The following METTL16 variants were observed in gnomAD, a reference collection of about 807,000 sequenced individuals.
The protein encoded by METTL16 is methyltransferase 16, RNA N6-adenosine.
Under a neutral mutation model 57.9 loss-of-function variants are expected in METTL16, and 19 were observed. That is an observed-to-expected ratio of 0.33 (90% CI 0.23 to 0.48). METTL16 has a LOEUF of 0.48. METTL16 is among the 20% of genes least tolerant of loss of function. The pLI, the probability that METTL16 is intolerant of heterozygous loss-of-function variation, is 0.99. For synonymous variants in METTL16, 246 were observed against 255.6 expected (o/e 0.96, Z 0.36); for missense variants, 434 against 691.5 (o/e 0.63, Z 4.18).
At chr17:2,466,839 G>T (rs1047771113) in intron 5 of METTL16, among the ~76,000 whole-genome samples, 2 of 151,202 alleles carry the variant, frequency 1.3e-5, no homozygotes, top group African/African-American at 2.4e-5. Flanking sequence ...TTGAGACAGG[G>T]TTACCGAGGC....
At chr17:2,437,576 G>A (rs1445829685) in intron 8 of METTL16, among the ~76,000 whole-genome samples, 1 of 152,136 alleles carries the variant, frequency 6.6e-6, no homozygotes, top group Non-Finnish European at 1.5e-5. Flanking sequence ...TTTTGAGACA[G>A]AGTCTTGCTC....
chr17:2,422,157 C>G (rs1714147350), intron 8 of METTL16, among the ~76,000 whole-genome samples: 1 of 151,822 alleles, frequency 6.6e-6, no homozygotes, highest in African/African-American at 2.4e-5. Flanking sequence ...ACCAAAAATA[C>G]AAAAATTAGC....
At chr17:2,435,263 T>C (rs771833526) in intron 8 of METTL16, among the ~76,000 whole-genome samples, 1 of 152,092 alleles carries the variant, frequency 6.6e-6, no homozygotes, top group African/African-American at 2.4e-5. Context: ...AAACAGAAGT[T>C]GCCATAGTAA....
In METTL16 at chr17:2,428,527, C is replaced by CAAAAAAAAA. The variant is rs533793602; in HGVS notation, c.889-7632_889-7624dup. Among the ~76,000 whole-genome samples, 4 of 21,074 alleles carry CAAAAAAAAA rather than the reference C, an allele frequency of 1.9e-4. 1 individual carries two copies. The highest frequency in any genetic ancestry group is 3.3e-4 in the Non-Finnish European group (4 of 12,042). The allele number at this position is 21,074 out of a possible 152,430, so 13.8% of individuals were successfully genotyped here. The stretch of plus-strand genomic sequence containing the variant: ...CAGGCGACAGAGCGAGACTCCGTCT[C>CAAAAAAAAA]AAAAAAAAAAAAAAAAAAAAAAAAA... On this transcript the variant is annotated intron_variant, in intron 8 of 9. Coordinates refer to ENST00000263092, the MANE Select transcript of METTL16 (RefSeq NM_024086.4).
chr17:2,483,869 C>T (rs1395086380), intron 2 of METTL16, among the ~76,000 whole-genome samples: 1 of 152,126 alleles, frequency 6.6e-6, no homozygotes, highest in East Asian at 1.9e-4. Flanking sequence ...GAATGAAAGT[C>T]AAGTTTTACA....
intron 1 of METTL16, among the ~76,000 whole-genome samples, chr17:2,510,175 C>T (rs1451913202): frequency 1.3e-5 from 2 of 152,084 alleles, no homozygotes; most frequent in Non-Finnish European, 2.9e-5. Flanking sequence ...AAAATATTTT[C>T]CCAATTTATG....
intron 8 of METTL16, 61 bp downstream of exon 8, chr17:2,438,048 T>G: frequency 8.4e-7 from 1 of 1,192,162 alleles, no homozygotes; most frequent in Non-Finnish European, 1.3e-6. Flanking sequence ...AGTTCACTTA[T>G]GATGGACTGA....
chr17:2,462,153 A>C (rs1349473164), intron 6 of METTL16, among the ~76,000 whole-genome samples: 1 of 152,214 alleles, frequency 6.6e-6, no homozygotes, highest in Non-Finnish European at 1.5e-5. Flanking sequence ...CTTAAAAAGG[A>C]AGAAAATTCT....
rs1216363985 is a variant in METTL16 at position 2,491,740 on chromosome 17, T to TA, written c.128+10463_128+10464insT. 2.6e-3 allele frequency among the ~76,000 whole-genome samples: 390 copies of TA among 148,004 alleles called. 1 individual carries two copies. Among genetic ancestry groups the TA allele is most frequent in the African/African-American group, 9.5e-3 (370 of 39,002 alleles). ...AATACAAAAAATTAGCCAGGCGTGG[T>TA]GGTGGGAGCCTGTAGTTCCAGCTAC... is the stretch of plus-strand genomic sequence containing the variant. On this transcript the variant is annotated intron_variant, in intron 2 of 9. Coordinates refer to ENST00000263092, the MANE Select transcript of METTL16 (RefSeq NM_024086.4).
At chr17:2,473,262 C>G (rs1247999106) in intron 4 of METTL16, among the ~76,000 whole-genome samples, 1 of 152,098 alleles carries the variant, frequency 6.6e-6, no homozygotes, top group Non-Finnish European at 1.5e-5. Flanking sequence ...AGAAAATCTA[C>G]TAAAATAAAT....
chr17:2,489,156 C>T (rs534918195), intron 2 of METTL16, among the ~76,000 whole-genome samples: 7 of 149,360 alleles, frequency 4.7e-5, no homozygotes, highest in Admixed American at 2.0e-4. Flanking sequence ...AGGGGTCTCA[C>T]TATATTGACC....
chr17:2,463,510 G>A (rs1468543288), intron 6 of METTL16, among the ~76,000 whole-genome samples: 1 of 152,046 alleles, frequency 6.6e-6, no homozygotes, highest in Non-Finnish European at 1.5e-5. Flanking sequence ...CACCCAGGCT[G>A]GAGCGCAGTG....
intron 8 of METTL16, among the ~76,000 whole-genome samples, chr17:2,430,226 T>C (rs144579404): frequency 2.0e-4 from 30 of 151,282 alleles, no homozygotes; most frequent in African/African-American, 7.3e-4. Context: ...GATCTTCTCA[T>C]CTCAGCCTCC....
chr17:2,504,514 T>C (rs1037711028), intron 1 of METTL16, among the ~76,000 whole-genome samples: 4 of 152,204 alleles, frequency 2.6e-5, no homozygotes, highest in Non-Finnish European at 4.4e-5. Flanking sequence ...ATATGATCTA[T>C]AACCAAGGAT....
intron 6 of METTL16, among the ~76,000 whole-genome samples, chr17:2,446,806 C>T (rs939620777): frequency 3.3e-5 from 5 of 152,164 alleles, no homozygotes; most frequent in Non-Finnish European, 5.9e-5. Context: ...TGGTCTCCAG[C>T]TCCTAGCCGT....
intron 4 of METTL16, among the ~76,000 whole-genome samples, chr17:2,468,775 G>C (rs1025548748): frequency 2.0e-5 from 3 of 152,114 alleles, no homozygotes; most frequent in African/African-American, 7.2e-5. Flanking sequence ...TGTAATTCCA[G>C]CTACTTGGGA....
intron 3 of METTL16, among the ~76,000 whole-genome samples, chr17:2,476,935 G>A (rs1185618529): frequency 2.5e-4 from 36 of 146,826 alleles, no homozygotes; most frequent in Non-Finnish European, 4.8e-4. Context: ...CAGCCTGGGC[G>A]ACAAGAGCAA....
At chr17:2,447,819 C>A (rs2067020045) in intron 6 of METTL16, among the ~76,000 whole-genome samples, 2 of 110,110 alleles carry the variant, frequency 1.8e-5, no homozygotes, top group Admixed American at 1.6e-4. Flanking sequence ...GTCAGCCCCC[C>A]GCCTGGCCAG....
chr17:2,509,461 T>G (rs2067571355), intron 1 of METTL16, among the ~76,000 whole-genome samples: 1 of 151,990 alleles, frequency 6.6e-6, no homozygotes, highest in South Asian at 2.1e-4. Context: ...GGTGCATGCC[T>G]GTGTTCCTAG....
Sources: allele counts gnomAD v4.1 joint callset (sites outside exome capture counted in the v4.1 genomes callset), GRCh38; gene constraint gnomAD v4.1.1; transcripts MANE v1.5; gene names NCBI Gene and HGNC (gene_info 2026-07-23, HGNC 2026-07-21).